LPP: variants seen among roughly 807,000 people sequenced by gnomAD.
The protein encoded by LPP is lipoma-preferred partner.
A neutral mutation model predicts 60.4 loss-of-function variants in LPP; 38 were observed. The ratio of observed to expected loss-of-function variants is 0.63; its 90% confidence interval spans 0.49 to 0.83. The LOEUF is 0.83. LPP is among the 40% of genes least tolerant of loss of function. The pLI is 0.00. For missense variants in LPP, 902 were observed against 783.6 expected, an observed-to-expected ratio of 1.15 and a Z score of -1.80; for synonymous variants, 328 against 290.8, an observed-to-expected ratio of 1.13 and a Z score of -1.30.
chr3:188,525,177 G>C (rs994686918), intron 6 of LPP, among the ~76,000 whole-genome samples: 1 of 152,038 alleles, frequency 6.6e-6, no homozygotes, highest in African/African-American at 2.4e-5. Flanking sequence ...ATGTTGGTCA[G>C]GCTGGTCTCG....
intron 9 of LPP, among the ~76,000 whole-genome samples, chr3:188,800,175 CTTTT>C (rs35258838): frequency 3.9e-4 from 45 of 115,720 alleles, no homozygotes; most frequent in East Asian, 8.8e-4. Flanking sequence ...AACATTGTTT[CTTTT>C]TTTTTTTTTT....
chr3:188,833,498 G>T (rs924063051), intron 9 of LPP, among the ~76,000 whole-genome samples: 2 of 152,136 alleles, frequency 1.3e-5, no homozygotes, highest in Admixed American at 6.5e-5. Flanking sequence ...CTATTTTGAT[G>T]CTTCTGCATG....
chr3:188,732,459 T>G (rs891260301), intron 8 of LPP, among the ~76,000 whole-genome samples: 2 of 151,906 alleles, frequency 1.3e-5, no homozygotes, highest in Admixed American at 1.3e-4. Context: ...CTAATATTGG[T>G]CAAAAAAGAA....
chr3:188,155,733 G>A (rs1173873203), intron 1 of LPP, among the ~76,000 whole-genome samples: 1 of 152,134 alleles, frequency 6.6e-6, no homozygotes, highest in Non-Finnish European at 1.5e-5. Flanking sequence ...AAGTGTGTGG[G>A]CCAGGCACGG....
intron 4 of LPP, among the ~76,000 whole-genome samples, chr3:188,462,368 G>A (rs1490373681): frequency 6.6e-6 from 1 of 150,994 alleles, no homozygotes; most frequent in Non-Finnish European, 1.5e-5. Flanking sequence ...TCTTCAGTTT[G>A]ATATGCTACT....
chr3:188,491,754 A>G (rs1041317175), intron 5 of LPP, among the ~76,000 whole-genome samples: 18 of 152,182 alleles, frequency 1.2e-4, no homozygotes, highest in African/African-American at 4.3e-4. Flanking sequence ...GCTCTTAATC[A>G]TCATCTGATT....
At chr3:188,168,222 C>T (rs961497703) in intron 1 of LPP, among the ~76,000 whole-genome samples, 1 of 152,230 alleles carries the variant, frequency 6.6e-6, no homozygotes, top group South Asian at 2.1e-4. Flanking sequence ...CTTCCAACCT[C>T]TTCATTTAAC....
At chr3:188,387,197 AAAATTTTACACCTACAGAACAT>A (rs1364959281) in intron 3 of LPP, among the ~76,000 whole-genome samples, 1 of 152,148 alleles carries the variant, frequency 6.6e-6, no homozygotes, top group South Asian at 2.1e-4. Context: ...TGTAGACTGT[AAAATTTTACACCTACAGAACAT>A]GTAGGTGTAA....
chr3:188,829,628 G>C (rs555232020), intron 9 of LPP, among the ~76,000 whole-genome samples: 1 of 152,248 alleles, frequency 6.6e-6, no homozygotes, highest in East Asian at 1.9e-4. Context: ...CAGAGAGGGG[G>C]AATGAAAGAA....
At chr3:188,270,753 C>T (rs1351762929) in intron 2 of LPP, among the ~76,000 whole-genome samples, 1 of 152,186 alleles carries the variant, frequency 6.6e-6, no homozygotes, top group East Asian at 1.9e-4. Context: ...GCTAATGTTC[C>T]AAGCATCTGC....
intron 3 of LPP, among the ~76,000 whole-genome samples, chr3:188,398,908 C>A (rs1781585549): frequency 6.6e-6 from 1 of 152,118 alleles, no homozygotes; most frequent in African/African-American, 2.4e-5. Context: ...AAACGGGTGA[C>A]AGAAAAAGAG....
At chr3:188,200,438 C>T (rs371347331) in intron 1 of LPP, among the ~76,000 whole-genome samples, 2 of 152,036 alleles carry the variant, frequency 1.3e-5, no homozygotes, top group African/African-American at 2.4e-5. Context: ...TTAGTGGAGA[C>T]GGGGTTTCAT....
At chr3:188,803,452 C>A (rs1438437476) in intron 9 of LPP, among the ~76,000 whole-genome samples, 1 of 152,070 alleles carries the variant, frequency 6.6e-6, no homozygotes. Context: ...TTAGGTGTTA[C>A]TTTTAGGTGT....
Position 188,454,699 on chromosome 3 carries a change from G to A in LPP, c.194-29893G>A, listed in dbSNP as rs535992070. ...AGGTGAAAGGCACATCTTACATGGC[G>A]GAAGCAAGAGAAAATGAGGAGGAAG... On this transcript the variant is annotated intron_variant, in intron 4 of 11. Transcript: ENST00000617246. Among the ~76,000 whole-genome samples the A allele has an allele frequency of 1.4e-4, 22 of 152,174 alleles. 1 individual carries two copies. In the East Asian group the frequency reaches 3.1e-3, roughly 21 times the overall value.
At chr3:188,863,611 C>T (rs907497593) in intron 9 of LPP, among the ~76,000 whole-genome samples, 4 of 152,168 alleles carry the variant, frequency 2.6e-5, no homozygotes, top group Admixed American at 2.0e-4. Context: ...CAGTAAAAGG[C>T]GCAGGCTGTC....
At position 188,460,002 on chromosome 3, in the gene LPP, A is replaced by G. The variant is rs1254493806; in HGVS notation, c.194-24590A>G. Among the ~76,000 whole-genome samples the G allele has an allele frequency of 3.3e-5, 5 of 152,226 alleles. No individual in the cohort carries two copies. The East Asian group carries it at 9.6e-4, about 29-fold the overall frequency. ...TGTCGAAGACATGGTTGACAATTTC[A>G]TAGCAGCAGTTTGATGAAATCATTT... On this transcript the variant is annotated intron_variant, in intron 4 of 11. Coordinates refer to ENST00000617246, the MANE Select transcript of LPP (RefSeq NM_001375462.1).
At chr3:188,242,970 G>C (rs1202971613) in intron 2 of LPP, among the ~76,000 whole-genome samples, 1 of 152,188 alleles carries the variant, frequency 6.6e-6, no homozygotes, top group Non-Finnish European at 1.5e-5. Flanking sequence ...TTCAGAATTT[G>C]AGTATAAAAA....
intron 1 of LPP, among the ~76,000 whole-genome samples, chr3:188,203,024 G>T (rs1731513576): frequency 6.8e-6 from 1 of 146,914 alleles, no homozygotes; most frequent in Admixed American, 6.9e-5. Flanking sequence ...GAAGGAAAGA[G>T]AAACAATTTA....
At chr3:188,391,600 G>A (rs914723467) in intron 3 of LPP, among the ~76,000 whole-genome samples, 3 of 152,050 alleles carry the variant, frequency 2.0e-5, no homozygotes, top group Non-Finnish European at 4.4e-5. Flanking sequence ...GAGCAGAATC[G>A]AGGCTGTCTC....
Sources: gnomAD v4.1 joint callset for allele counts (sites outside exome capture counted in the v4.1 genomes callset) on GRCh38, gnomAD v4.1.1 for gene constraint, MANE v1.5 for transcripts, NCBI Gene and HGNC (gene_info 2026-07-23, HGNC 2026-07-21) for gene names.